Variants in CEP104 observed in about 807,000 individuals in gnomAD.
The protein encoded by CEP104 is centrosomal protein of 104 kDa.
CEP104 carries 84 observed loss-of-function variants against 113.3 expected under a neutral mutation model. That is an observed-to-expected ratio of 0.74 (90% CI 0.62 to 0.89). The LOEUF (loss-of-function observed/expected upper bound fraction) is 0.89, where lower values mean the gene tolerates loss of function less well. Among genes scored for constraint, CEP104 ranks in the 40% least tolerant of loss-of-function variants. CEP104 has a pLI of 0.00. For synonymous variants in CEP104, 378 were observed against 421.7 expected (o/e 0.90, Z 1.27); for missense variants, 1,053 against 1,156.6 (o/e 0.91, Z 1.30).
Position 3,830,618 on chromosome 1 carries a change from C to T in CEP104, c.1836+428G>A, listed in dbSNP as rs929430768. Among the ~76,000 whole-genome samples the T allele has an allele frequency of 5.9e-5, 9 of 151,610 alleles. 1 individual carries two copies. The highest frequency in any genetic ancestry group is 4.2e-4 in the South Asian group (2 of 4,796). On this transcript the variant is annotated intron_variant, in intron 13 of 21. Transcript: ENST00000378230. ...GAAACCCCGTCTCTACTAAAATACA[C>T]GAAAAAATTAGCCGGGCATGGTGGT... is the stretch of plus-strand genomic sequence containing the variant.
In CEP104 at chr1:3,852,305, G is replaced by A. The variant is rs764366578; in HGVS notation, c.103C>T (p.Arg35Trp). Reference protein sequence around the residue: ...MIHAPTVSGWRSPRFCQFPQE... With the variant: ...MIHAPTVSGWWSPRFCQFPQE... ...CCGTCCAGTCCTCACCTAGGTGACC[G>A]CCACCCACTGACAGTTGGCGCGTGG... is the stretch of plus-strand genomic sequence containing the variant. The change falls in exon 2 of 22, where the codon CGG becomes TGG. Residue 35 changes from arginine to tryptophan, a missense_variant. Arg to Trp is a moderately radical substitution (Grantham distance 101, BLOSUM62 -3). Coordinates refer to ENST00000378230, the MANE Select transcript of CEP104 (RefSeq NM_014704.4). 5 of 1,613,188 alleles carry A rather than the reference G, an allele frequency of 3.1e-6. No homozygotes were observed. Among genetic ancestry groups the A allele is most frequent in the Middle Eastern group, 1.6e-4 (1 of 6,082 alleles).
intron 6 of CEP104, chr1:3,843,105 CCT>C (rs774666783): frequency 1.6e-6 from 1 of 613,800 alleles, no homozygotes; most frequent in Middle Eastern, 2.6e-4. Context: ...CATTTCAATT[CCT>C]CTTTTTTTCT....
In CEP104 at chr1:3,844,998, C is replaced by T; in HGVS notation, c.490-15G>A. On this transcript the variant is annotated splice_polypyrimidine_tract_variant and intron_variant, in intron 5 of 21. Coordinates refer to ENST00000378230, the MANE Select transcript of CEP104 (RefSeq NM_014704.4). ...TCTCGAGAGGCCTTTGGGGGCAAAA[C>T]ATCTGCTTAGTGTCTCAGAGAGAAA... 1 of 1,606,848 alleles carries T rather than the reference C, an allele frequency of 6.2e-7. No homozygotes were observed. Among genetic ancestry groups the T allele is most frequent in the Non-Finnish European group, 8.5e-7 (1 of 1,173,412 alleles).
At chr1:3,839,537 G>T in intron 7 of CEP104, 71 bp downstream of exon 7, 1 of 1,355,770 alleles carries the variant, frequency 7.4e-7, no homozygotes, top group Non-Finnish European at 1.0e-6. Flanking sequence ...CTTTTACCAT[G>T]TAGTTATTCT....
intron 10 of CEP104, among the ~76,000 whole-genome samples, chr1:3,835,384 TTTTTA>T (rs1380480385): frequency 2.0e-5 from 3 of 152,228 alleles, no homozygotes; most frequent in East Asian, 1.9e-4. Context: ...TACTCATTTC[TTTTTA>T]TTTTGAGACA....
chr1:3,825,669 A>C, intron 18 of CEP104, 89 bp downstream of exon 18: 1 of 836,952 alleles, frequency 1.2e-6, no homozygotes, highest in Non-Finnish European at 2.0e-6. Context: ...TGAAAATACT[A>C]AGACTTGGGA....
At chr1:3,849,845 A>AC (rs1299627818) in intron 2 of CEP104, among the ~76,000 whole-genome samples, 1 of 151,332 alleles carries the variant, frequency 6.6e-6, no homozygotes, top group Non-Finnish European at 1.5e-5. Flanking sequence ...AAAAAAAAAA[A>AC]CTCCAAAACT....
chr1:3,852,172 A>C (rs892195093), intron 2 of CEP104, 123 bp downstream of exon 2: 3 of 879,718 alleles, frequency 3.4e-6, no homozygotes, highest in Non-Finnish European at 5.0e-6. Context: ...GCATGCTGAC[A>C]TCCTTGGTCC....
intron 4 of CEP104, among the ~76,000 whole-genome samples, chr1:3,845,890 C>T (rs1644497351): frequency 6.6e-6 from 1 of 151,966 alleles, no homozygotes; most frequent in East Asian, 1.9e-4. Flanking sequence ...GAGTTTGAGA[C>T]CAGCCTGACC....
chr1:3,849,330 A>C (rs1173796892), intron 2 of CEP104, among the ~76,000 whole-genome samples: 2 of 144,572 alleles, frequency 1.4e-5, no homozygotes, highest in Non-Finnish European at 3.0e-5. Context: ...CGGTGTGATT[A>C]TGGCTCACTG....
intron 5 of CEP104, 31 bp from the exon 6 acceptor site, chr1:3,845,014 CAGAG>C: frequency 6.4e-7 from 1 of 1,567,032 alleles, no homozygotes; most frequent in Non-Finnish European, 8.8e-7. Context: ...CTTAGTGTCT[CAGAG>C]AGAAAGAGGA....
chr1:3,854,037 C>T (rs1644665073), intron 1 of CEP104, among the ~76,000 whole-genome samples: 1 of 152,246 alleles, frequency 6.6e-6, no homozygotes, highest in Non-Finnish European at 1.5e-5. Context: ...AAACGCACAG[C>T]CCATGGCTCC....
rs1019765237 is a variant in CEP104, at chr1:3,823,035, T to G, written c.2571+139A>C. The G allele has an allele frequency of 1.3e-6, 1 of 740,782 alleles. No individual in the cohort carries two copies. Among genetic ancestry groups the G allele is most frequent in the Non-Finnish European group, 2.3e-6 (1 of 431,754 alleles). 45.9% of individuals were successfully genotyped at this position (740,782 alleles called of 1,614,324 possible). ...GAACGACTGCTCAGACAGGGCTCAC[T>G]AGACGCTGTCCCCTCCCTGAACACT... is the stretch of plus-strand genomic sequence containing the variant. On this transcript the variant is annotated intron_variant, in intron 20 of 21. Coordinates refer to ENST00000378230, the MANE Select transcript of CEP104 (RefSeq NM_014704.4). This position sits in a 1 kb window ranked among gnomAD's most constrained non-coding sequence, Gnocchi z 4.1.
Position 3,815,300 on chromosome 1 carries a change from C to T in CEP104, c.*102G>A. 1 of 873,496 alleles carries T rather than the reference C, an allele frequency of 1.1e-6. No individual in the cohort carries two copies. The highest frequency in any genetic ancestry group is 1.5e-5 in the South Asian group (1 of 67,830). 54.1% of individuals were successfully genotyped at this position (873,496 alleles called of 1,614,324 possible). A position where few individuals can be genotyped will look rare whatever the true frequency, so the allele number is the denominator to read the frequency against. On this transcript the variant is annotated 3_prime_UTR_variant, in exon 22 of 22. Transcript: ENST00000378230. The stretch of plus-strand genomic sequence containing the variant: ...CACGGCGGGGAGCTGGGGACAGCAG[C>T]CAGAGCATGGGGCCACCAAGGCCAG...
In CEP104 at chr1:3,848,895, A is replaced by G. The variant is rs114908029; in HGVS notation, c.114-114T>C. On this transcript the variant is annotated intron_variant, in intron 2 of 21. Transcript: ENST00000378230. ...TTAACCACACACCCACTTTGAACAG[A>G]ACAGTCTGTAGGTACTGATGGTACA... 1.7e-3 allele frequency: 1,308 copies of G among 755,958 alleles called. 12 individuals are homozygous for G. In the African/African-American group the frequency reaches 0.02, roughly 12 times the overall value. 46.8% of individuals were successfully genotyped at this position (755,958 alleles called of 1,614,324 possible).
At chr1:3,835,155 G>A in intron 10 of CEP104, 63 bp from the exon 11 acceptor site, 1 of 1,287,172 alleles carries the variant, frequency 7.8e-7, no homozygotes, top group South Asian at 1.9e-5. Context: ...TACACAACTT[G>A]AAGGCTTTGT....
At chr1:3,853,299 G>A (rs1237399592) in intron 1 of CEP104, among the ~76,000 whole-genome samples, 1 of 152,098 alleles carries the variant, frequency 6.6e-6, no homozygotes, top group African/African-American at 2.4e-5. Flanking sequence ...TGACTCACAG[G>A]ACATTGAGCC....
intron 6 of CEP104, among the ~76,000 whole-genome samples, chr1:3,844,495 G>A (rs1293615933): frequency 2.0e-5 from 3 of 151,698 alleles, no homozygotes; most frequent in Non-Finnish European, 2.9e-5. Context: ...AGACTCCATC[G>A]AGACCAGCCT....
chr1:3,836,571 A>G lies in CEP104; in HGVS notation c.1241T>C (p.Leu414Ser). ...DISDARRGGM[L>S]GEPEPLTEKA... ...CTCGGTTAAGGGCTCTGGCTCCCCT[A>G]ACATGCCTCCCCTCCGAGCATCGCT... The change falls in exon 10 of 22, where the codon TTA (leucine) becomes TCA (serine). Residue 414 changes from leucine (L) to serine (S), a missense_variant. Leu to Ser is a moderately radical substitution (Grantham distance 145). Transcript: ENST00000378230. The G allele has an allele frequency of 6.2e-7, 1 of 1,601,082 alleles. No individual in the cohort carries two copies. The highest frequency in any genetic ancestry group is 1.1e-5 in the South Asian group (1 of 90,760).
Sources: gnomAD v4.1 joint callset for allele counts (sites outside exome capture counted in the v4.1 genomes callset) on GRCh38, gnomAD v4.1.1 for gene constraint, Gnocchi (gnomAD v3.1) non-coding constraint, MANE v1.5 for transcripts, NCBI Gene and HGNC (gene_info 2026-07-23, HGNC 2026-07-21) for gene names.